The following PRH1 variants were observed in gnomAD, a reference collection of about 807,000 sequenced individuals.
PRH1 encodes the protein salivary acidic proline-rich phosphoprotein 1/2.
A neutral mutation model predicts 7.9 loss-of-function variants in PRH1; 7 were observed. That is an observed-to-expected ratio of 0.89 (90% CI 0.50 to 1.67). PRH1 has a LOEUF of 1.67. Ranked by LOEUF, PRH1 falls within the 40% of genes most tolerant of loss-of-function variation. The pLI is 0.00. For missense variants in PRH1, 109 were observed against 223.6 expected (o/e 0.49, Z 3.27); for synonymous variants, 45 against 80.8 (o/e 0.56, Z 2.38).
chr12:11,111,830 C>T (rs940317207), intron 1 of PRH1, among the ~76,000 whole-genome samples: 1 of 152,010 alleles, frequency 6.6e-6, no homozygotes, highest in African/African-American at 2.4e-5. Flanking sequence ...GATAGAAACA[C>T]CTAAAACCCT....
chr12:11,040,697 C>T (rs1233876027), intron 1 of PRH1, among the ~76,000 whole-genome samples: 1 of 152,128 alleles, frequency 6.6e-6, no homozygotes, highest in Non-Finnish European at 1.5e-5. Context: ...TACCCCAGAA[C>T]TTAAAGTATA....
intron 1 of PRH1, among the ~76,000 whole-genome samples, chr12:11,057,163 C>T (rs1395634301): frequency 2.0e-5 from 3 of 152,242 alleles, no homozygotes; most frequent in Non-Finnish European, 4.4e-5. Flanking sequence ...TGCAGCACCA[C>T]GCCAGCTAAT....
intron 1 of PRH1, among the ~76,000 whole-genome samples, chr12:11,029,035 G>A (rs79957288): frequency 2.6e-5 from 4 of 152,258 alleles, no homozygotes; most frequent in South Asian, 4.1e-4. Flanking sequence ...TGCTGGTTTC[G>A]AGTTCCTGGG....
rs1949420167 is a variant in PRH1, at chr12:10,882,489, C to A, written c.310G>T (p.Gly104Cys). Reference sequence around the variant, plus strand: ...GGCTTTCCCTGAGGAGGTGGTGGACCTTGTTGCTGCTGGCCTCCTTGTTGG... The same window carrying A: ...GGCTTTCCCTGAGGAGGTGGTGGACATTGTTGCTGCTGGCCTCCTTGTTGG... Reference protein sequence around the residue: ...PPQQGGQQQQGPPPPQGKPQG... With the variant: ...PPQQGGQQQQCPPPPQGKPQG... Residue 104 changes from glycine (G) to cysteine (C), a missense_variant, in exon 3 of 4, where the codon GGT (glycine) becomes TGT (cysteine). Transcript: ENST00000543626. 6.9e-7 allele frequency: 1 copy of A among 1,451,504 alleles called. No homozygotes were observed. Among genetic ancestry groups the A allele is most frequent in the Non-Finnish European group, 9.1e-7 (1 of 1,093,476 alleles). The allele number at this position is 1,451,504 out of a possible 1,614,324, so 89.9% of individuals were successfully genotyped here.
intron 2 of PRH1, among the ~76,000 whole-genome samples, chr12:10,889,401 C>T (rs889448302): frequency 6.6e-6 from 1 of 152,066 alleles, no homozygotes; most frequent in Non-Finnish European, 1.5e-5. Flanking sequence ...ATTGCATTTT[C>T]CCTATAACTA....
chr12:11,145,992 G>T (rs1946848256), intron 1 of PRH1, among the ~76,000 whole-genome samples: 1 of 152,064 alleles, frequency 6.6e-6, no homozygotes, highest in Non-Finnish European at 1.5e-5. Flanking sequence ...TCAGAAATAT[G>T]TAGTTATACA....
chr12:11,106,498 T>C (rs1945419992), intron 1 of PRH1, among the ~76,000 whole-genome samples: 1 of 152,068 alleles, frequency 6.6e-6, no homozygotes, highest in Non-Finnish European at 1.5e-5. Flanking sequence ...TGTTAAATAT[T>C]AATTTTTTAG....
intron 1 of PRH1, among the ~76,000 whole-genome samples, chr12:10,981,982 G>C (rs750437721): frequency 8.7e-4 from 132 of 151,806 alleles, no homozygotes; most frequent in Non-Finnish European, 1.5e-3. Flanking sequence ...GGTATGAGCT[G>C]CCTCAATAGG....
intron 2 of PRH1, among the ~76,000 whole-genome samples, chr12:10,898,002 T>A (rs1022751713): frequency 6.6e-6 from 1 of 152,234 alleles, no homozygotes; most frequent in African/African-American, 2.4e-5. Flanking sequence ...AGCATATGAA[T>A]GGTATCAATA....
At chr12:10,965,081 G>C (rs1440995447) in intron 2 of PRH1, 2 of 1,224,776 alleles carry the variant, frequency 1.6e-6, no homozygotes, top group East Asian at 7.1e-5. Flanking sequence ...GAAATGGTTG[G>C]TTACAGCCCA....
chr12:11,162,991 A>C (rs145030988), intron 1 of PRH1, among the ~76,000 whole-genome samples: 3 of 152,332 alleles, frequency 2.0e-5, no homozygotes, highest in African/African-American at 7.2e-5. Flanking sequence ...GTGATACCTA[A>C]TTATTAAATT....
chr12:11,165,949 T>C (rs1481343317), intron 1 of PRH1: 2 of 152,286 alleles, frequency 1.3e-5, no homozygotes, highest in East Asian at 1.9e-4. Flanking sequence ...GAAAAGTTCA[T>C]GGTGGGGCAA....
At chr12:11,143,906 C>G (rs1392935310) in intron 1 of PRH1, among the ~76,000 whole-genome samples, 4 of 152,178 alleles carry the variant, frequency 2.6e-5, no homozygotes, top group African/African-American at 9.6e-5. Flanking sequence ...CAGGCTGGTA[C>G]TGGGAGTTGT....
At chr12:11,018,153 G>C (rs1941390927) in intron 1 of PRH1, among the ~76,000 whole-genome samples, 1 of 151,824 alleles carries the variant, frequency 6.6e-6, no homozygotes, top group Non-Finnish European at 1.5e-5. Context: ...ATAGGACTCT[G>C]TGCCTGTCTC....
rs1217757312 is a variant in PRH1, at chr12:11,094,338, C to T, written n.124-47150G>A. On this transcript the variant is annotated intron_variant and non_coding_transcript_variant, in intron 1 of 4. Transcript: ENST00000541977. ...AAAAAAAAAAAAACCCGACGTCAAA[C>T]GACATGTGAGATATAAATATCTAAT... is the stretch of plus-strand genomic sequence containing the variant. Among the ~76,000 whole-genome samples the T allele has an allele frequency of 2.0e-5, 2 of 97,624 alleles. 1 individual carries two copies. Among genetic ancestry groups the T allele is most frequent in the Non-Finnish European group, 4.6e-5 (2 of 43,496 alleles). The allele number at this position is 97,624 out of a possible 152,430, so 64.0% of individuals were successfully genotyped here.
chr12:11,012,450 T>A (rs546626655), intron 1 of PRH1, among the ~76,000 whole-genome samples: 1 of 152,164 alleles, frequency 6.6e-6, no homozygotes, highest in African/African-American at 2.4e-5. Flanking sequence ...TAGTATAGTA[T>A]ATGTATAACT....
At chr12:11,078,260 GA>G (rs369663938) in intron 1 of PRH1, 5,038 of 146,492 alleles carry the variant, frequency 0.034, 313 homozygotes, top group Middle Eastern at 0.099. Flanking sequence ...CAGACAAAAA[GA>G]AAAAAATTGC....
At chr12:11,065,612 C>G (rs1005638397) in intron 1 of PRH1, among the ~76,000 whole-genome samples, 12 of 152,222 alleles carry the variant, frequency 7.9e-5, no homozygotes, top group African/African-American at 2.4e-4. Context: ...TCTTTTTTAT[C>G]TTATTGTTTT....
chr12:10,929,018 G>A (rs571773978), intron 2 of PRH1, among the ~76,000 whole-genome samples: 1 of 152,280 alleles, frequency 6.6e-6, no homozygotes, highest in South Asian at 2.1e-4. Context: ...CAAAACATTT[G>A]TCCAAGTCAT....
Sources: allele counts gnomAD v4.1 joint callset (sites outside exome capture counted in the v4.1 genomes callset), GRCh38; gene constraint gnomAD v4.1.1; transcripts MANE v1.5; gene names NCBI Gene and HGNC (gene_info 2026-07-23, HGNC 2026-07-21).